LYPD6B: variants seen among roughly 807,000 people sequenced by gnomAD.
LYPD6B encodes the protein LY6/PLAUR domain containing 6B.
In LYPD6B, 17 loss-of-function variants were observed where a neutral mutation model predicts 22.8. The observed-to-expected ratio is 0.75, with a 90% CI of 0.51 to 1.12. The LOEUF (loss-of-function observed/expected upper bound fraction) is 1.12. Ranked by LOEUF, LYPD6B falls within the 50% of genes most tolerant of loss-of-function variation. The pLI is 0.00. For missense variants in LYPD6B, 221 were observed against 258.3 expected (o/e 0.86, Z 0.99); for synonymous variants, 106 against 91.6 (o/e 1.16, Z -0.90).
intron 2 of LYPD6B, among the ~76,000 whole-genome samples, chr2:149,150,164 G>T (rs1296544018): frequency 6.6e-6 from 1 of 152,178 alleles, no homozygotes; most frequent in Non-Finnish European, 1.5e-5. Context: ...AAACCTCATT[G>T]CTATAAGCAG....
chr2:149,097,598 G>A (rs1412002301), intron 1 of LYPD6B, among the ~76,000 whole-genome samples: 1 of 152,200 alleles, frequency 6.6e-6, no homozygotes, highest in African/African-American at 2.4e-5. Flanking sequence ...GGAGTTAAAT[G>A]TGCCATCCCT....
Position 149,214,999 on chromosome 2 carries a change from A to G in LYPD6B, c.*289A>G. On this transcript the variant is annotated 3_prime_UTR_variant, in exon 7 of 7. Coordinates refer to ENST00000409642, the MANE Select transcript of LYPD6B (RefSeq NM_177964.5). ...AGAGAGGATCCTGGCAACTAGTCCCACCTGACTAGGCCTTTAGCTGAAAGG... is the reference window on the plus strand; with the variant it reads ...AGAGAGGATCCTGGCAACTAGTCCCGCCTGACTAGGCCTTTAGCTGAAAGG... 2.5e-6 allele frequency: 1 copy of G among 402,648 alleles called. No individual in the cohort carries two copies. The highest frequency in any genetic ancestry group is 4.5e-6 in the Non-Finnish European group (1 of 220,150). The allele number at this position is 402,648 out of a possible 1,614,324, so 24.9% of individuals were successfully genotyped here. A position where few individuals can be genotyped will look rare whatever the true frequency, so the allele number is the denominator to read the frequency against.
At chr2:149,202,185 A>G (rs970273400) in intron 3 of LYPD6B, among the ~76,000 whole-genome samples, 12 of 152,226 alleles carry the variant, frequency 7.9e-5, no homozygotes, top group Non-Finnish European at 1.8e-4. Context: ...ATCTGGGACC[A>G]ATTACTTGAC....
intron 2 of LYPD6B, among the ~76,000 whole-genome samples, chr2:149,153,788 AAAG>A (rs529147179): frequency 1.9e-3 from 284 of 152,192 alleles, no homozygotes; most frequent in South Asian, 3.7e-3. Flanking sequence ...GAAAAAAAAA[AAAG>A]AAGAAGTCTT....
intron 1 of LYPD6B, among the ~76,000 whole-genome samples, chr2:149,107,984 C>T (rs1686559817): frequency 6.6e-6 from 1 of 152,112 alleles, no homozygotes; most frequent in African/African-American, 2.4e-5. Flanking sequence ...TTATTTATTT[C>T]CATCCCCTTT....
chr2:149,041,741 G>A (rs565404478), intron 1 of LYPD6B, among the ~76,000 whole-genome samples: 1 of 152,280 alleles, frequency 6.6e-6, no homozygotes, highest in South Asian at 2.1e-4. Flanking sequence ...GGGGAGGAAA[G>A]GAGCTGAGGT....
intron 1 of LYPD6B, among the ~76,000 whole-genome samples, chr2:149,048,713 G>A (rs1461764215): frequency 6.6e-6 from 1 of 152,082 alleles, no homozygotes; most frequent in Admixed American, 6.6e-5. Context: ...TTGTAAGCAT[G>A]GTAATAATGT....
chr2:149,130,775 CT>C (rs1687979149), intron 1 of LYPD6B, 107 bp from the exon 2 acceptor site: 1 of 596,052 alleles, frequency 1.7e-6, no homozygotes, highest in African/African-American at 1.9e-5. Context: ...CTAAGGATCT[CT>C]TTATGATGTG....
intron 1 of LYPD6B, among the ~76,000 whole-genome samples, chr2:149,088,912 C>T (rs1399640100): frequency 1.3e-5 from 2 of 152,140 alleles, no homozygotes; most frequent in African/African-American, 4.8e-5. Flanking sequence ...GGAGACAGTA[C>T]TCCCCTTTTA....
intron 3 of LYPD6B, among the ~76,000 whole-genome samples, chr2:149,203,438 A>T (rs573743959): frequency 3.3e-5 from 5 of 152,310 alleles, no homozygotes; most frequent in African/African-American, 1.2e-4. Flanking sequence ...TATGGAATAG[A>T]CCAACTCAGA....
rs1196747248 is a variant in LYPD6B, at chr2:149,205,362, G to A, written c.187G>A (p.Ala63Thr). ...IVIFSESWAF[A>T]KNINFYNVRP... ...TATCTTCTCAGAAAGCTGGGCATTTGCCAAGAACATCAACTTCTATAATGT... is the reference window on the plus strand; with the variant it reads ...TATCTTCTCAGAAAGCTGGGCATTTACCAAGAACATCAACTTCTATAATGT... Residue 63 changes from alanine (A) to threonine (T), a missense_variant, in exon 4 of 7, where the codon GCC becomes ACC. By Grantham distance (58) the Ala-to-Thr change is moderately conservative. Transcript: ENST00000409642. 1 of 1,613,984 alleles carries A rather than the reference G, an allele frequency of 6.2e-7. No homozygotes were observed. The highest frequency in any genetic ancestry group is 1.7e-5 in the Admixed American group (1 of 60,028).
At chr2:149,114,348 C>T (rs562719734) in intron 1 of LYPD6B, among the ~76,000 whole-genome samples, 2 of 152,260 alleles carry the variant, frequency 1.3e-5, no homozygotes, top group South Asian at 4.2e-4. Context: ...AAAGTGTTAG[C>T]ATTTTGTGCT....
At chr2:149,082,505 C>T (rs998507926) in intron 1 of LYPD6B, among the ~76,000 whole-genome samples, 1 of 152,186 alleles carries the variant, frequency 6.6e-6, no homozygotes, top group African/African-American at 2.4e-5. Context: ...ACCCCCAGTA[C>T]CAATTCCTGC....
chr2:149,067,856 T>G (rs1010028741), intron 1 of LYPD6B, among the ~76,000 whole-genome samples: 1 of 152,192 alleles, frequency 6.6e-6, no homozygotes, highest in Non-Finnish European at 1.5e-5. Flanking sequence ...TATTCTGTAT[T>G]ATATGTGAAT....
chr2:149,099,372 C>G (rs1686079165), intron 1 of LYPD6B, among the ~76,000 whole-genome samples: 1 of 151,900 alleles, frequency 6.6e-6, no homozygotes, highest in Non-Finnish European at 1.5e-5. Flanking sequence ...CTCAGCTGGG[C>G]AGTAGTTAAA....
At chr2:149,139,033 C>T (rs1688530619) in intron 2 of LYPD6B, among the ~76,000 whole-genome samples, 1 of 152,192 alleles carries the variant, frequency 6.6e-6, no homozygotes. Flanking sequence ...ATCTTAATAA[C>T]TCATTCATTC....
At chr2:149,087,094 G>T (rs912569698) in intron 1 of LYPD6B, among the ~76,000 whole-genome samples, 1 of 151,844 alleles carries the variant, frequency 6.6e-6, no homozygotes, top group Non-Finnish European at 1.5e-5. Flanking sequence ...GAATTTTGGG[G>T]GCATACAATC....
chr2:149,046,031 C>A (rs1317934824), intron 1 of LYPD6B, among the ~76,000 whole-genome samples: 1 of 152,058 alleles, frequency 6.6e-6, no homozygotes, highest in Non-Finnish European at 1.5e-5. Flanking sequence ...TTTCTTTTTA[C>A]TCATATCACT....
chr2:149,196,251 T>C (rs17600356), intron 3 of LYPD6B, among the ~76,000 whole-genome samples: 1 of 151,986 alleles, frequency 6.6e-6, no homozygotes, highest in African/African-American at 2.4e-5. Flanking sequence ...TTTTTATTAG[T>C]ATTGCTTTTA....
Sources: allele counts gnomAD v4.1 joint callset (sites outside exome capture counted in the v4.1 genomes callset), GRCh38; gene constraint gnomAD v4.1.1; transcripts MANE v1.5; gene names NCBI Gene and HGNC (gene_info 2026-07-23, HGNC 2026-07-21).